The following RAPGEF4 variants were observed in gnomAD, a reference collection of about 807,000 sequenced individuals.
The protein encoded by RAPGEF4 is Rap guanine nucleotide exchange factor 4.
In RAPGEF4, 66 loss-of-function variants were observed where a neutral mutation model predicts 147.9. That is an observed-to-expected ratio of 0.45 (90% confidence interval 0.37 to 0.55). The LOEUF is 0.55. Among genes scored for constraint, RAPGEF4 ranks in the 20% least tolerant of loss-of-function variants. The pLI, the probability that RAPGEF4 is intolerant of heterozygous loss-of-function variation, is 0.00. For missense variants in RAPGEF4, 1,071 were observed against 1,257.3 expected, an observed-to-expected ratio of 0.85 and a Z score of 2.24; for synonymous variants, 419 against 442.7, an observed-to-expected ratio of 0.95 and a Z score of 0.67.
chr2:172,947,728 A>C (rs1687815631), intron 6 of RAPGEF4, among the ~76,000 whole-genome samples: 1 of 152,152 alleles, frequency 6.6e-6, no homozygotes, highest in Admixed American at 6.6e-5. Context: ...TCATCTGTAT[A>C]AGAGAGGGTT....
In RAPGEF4 at chr2:172,814,103, G is replaced by T. The variant is rs536913588; in HGVS notation, c.298-176G>T. 4.6e-5 allele frequency among the ~76,000 whole-genome samples: 7 copies of T among 152,304 alleles called. No individual in the cohort carries two copies. The East Asian group carries it at 1.3e-3, about 29-fold the overall frequency. On this transcript the variant is annotated intron_variant, in intron 3 of 30. Transcript: ENST00000397081. ...GGGGACTTTTGGGGTTCATAGAAAT[G>T]TTCTGTCTTGATCTGGTTGGTAATT...
intron 1 of RAPGEF4, among the ~76,000 whole-genome samples, chr2:172,789,015 G>A (rs1685535411): frequency 1.3e-5 from 2 of 152,206 alleles, no homozygotes; most frequent in South Asian, 4.1e-4. Flanking sequence ...TGGTAAGCCT[G>A]AGGTCCTTGT....
intron 6 of RAPGEF4, among the ~76,000 whole-genome samples, chr2:172,957,860 G>A (rs1688900275): frequency 6.6e-6 from 1 of 152,176 alleles, no homozygotes; most frequent in Non-Finnish European, 1.5e-5. Flanking sequence ...CAAAGAAAAA[G>A]TTCTGGTTGA....
chr2:172,893,366 C>T (rs926298642), intron 4 of RAPGEF4, among the ~76,000 whole-genome samples: 9 of 152,180 alleles, frequency 5.9e-5, no homozygotes, highest in South Asian at 2.1e-4. Context: ...GAGATGAAAG[C>T]GGCCACCACA....
chr2:172,861,498 T>A (rs1299111175), intron 4 of RAPGEF4, among the ~76,000 whole-genome samples: 1 of 152,190 alleles, frequency 6.6e-6, no homozygotes. Context: ...ACACAGGAAG[T>A]GAATGCTATA....
At chr2:172,829,489 A>C (rs1401921104) in intron 4 of RAPGEF4, among the ~76,000 whole-genome samples, 1 of 152,224 alleles carries the variant, frequency 6.6e-6, no homozygotes, top group African/African-American at 2.4e-5. Context: ...CATCGTGGTC[A>C]CTTGGATTTT....
intron 10 of RAPGEF4, among the ~76,000 whole-genome samples, chr2:172,977,794 T>A (rs1250421190): frequency 6.6e-6 from 1 of 152,198 alleles, no homozygotes; most frequent in African/African-American, 2.4e-5. Flanking sequence ...ATATACTCAT[T>A]TTTTAAAGTA....
At chr2:172,757,520 C>T (rs948690821) in intron 1 of RAPGEF4, among the ~76,000 whole-genome samples, 9 of 152,210 alleles carry the variant, frequency 5.9e-5, no homozygotes, top group Non-Finnish European at 1.2e-4. Flanking sequence ...TTTAGGTTTC[C>T]ATCCTATCTT....
At chr2:172,866,059 A>C (rs1694606171) in intron 4 of RAPGEF4, among the ~76,000 whole-genome samples, 2 of 151,886 alleles carry the variant, frequency 1.3e-5, no homozygotes, top group African/African-American at 4.8e-5. Context: ...TCACCTTTTC[A>C]TCCCCAGTGG....
At chr2:172,988,389 A>T (rs1414734390) in intron 13 of RAPGEF4, 117 bp downstream of exon 13, 2 of 1,443,260 alleles carry the variant, frequency 1.4e-6, no homozygotes, top group East Asian at 4.8e-5. Context: ...CTAGATGTAG[A>T]AAAGACATTA....
At chr2:173,049,233 T>C (rs1439444663) in intron 30 of RAPGEF4, among the ~76,000 whole-genome samples, 2 of 152,202 alleles carry the variant, frequency 1.3e-5, no homozygotes, top group African/African-American at 2.4e-5. Context: ...AATACTTTAA[T>C]ATAAAAAAAT....
chr2:172,786,062 T>A (rs1279964738), intron 1 of RAPGEF4, among the ~76,000 whole-genome samples: 1 of 152,236 alleles, frequency 6.6e-6, no homozygotes, highest in Non-Finnish European at 1.5e-5. Flanking sequence ...CAAATGCCTT[T>A]GTGTTCTTAT....
At chr2:172,772,633 C>T (rs1320217020) in intron 1 of RAPGEF4, among the ~76,000 whole-genome samples, 5 of 152,094 alleles carry the variant, frequency 3.3e-5, no homozygotes, top group South Asian at 2.1e-4. Flanking sequence ...CATGAGCCAC[C>T]GCACCCAGCT....
intron 8 of RAPGEF4, chr2:172,965,293 GC>G: frequency 7.1e-6 from 3 of 422,370 alleles, no homozygotes; most frequent in Non-Finnish European, 8.5e-6. Flanking sequence ...CCCTCTAGCG[GC>G]CCCCTGGTCT....
chr2:172,866,902 T>C (rs1354962892), intron 4 of RAPGEF4, among the ~76,000 whole-genome samples: 2 of 152,054 alleles, frequency 1.3e-5, no homozygotes, highest in Non-Finnish European at 2.9e-5. Flanking sequence ...GTCCCGCTAA[T>C]TAAGCCAAAA....
chr2:173,032,650 C>T (rs981558606), intron 26 of RAPGEF4, among the ~76,000 whole-genome samples: 1 of 152,182 alleles, frequency 6.6e-6, no homozygotes, highest in Non-Finnish European at 1.5e-5. Flanking sequence ...ATAGTCTCCC[C>T]TAAGTGAGGG....
At chr2:172,742,551 A>G (rs1034029318) in intron 1 of RAPGEF4, among the ~76,000 whole-genome samples, 1 of 152,102 alleles carries the variant, frequency 6.6e-6, no homozygotes, top group African/African-American at 2.4e-5. Flanking sequence ...ATGTCAAGTG[A>G]TCTCTTTTCA....
chr2:172,896,583 C>T (rs1382497743), intron 4 of RAPGEF4, among the ~76,000 whole-genome samples: 3 of 151,758 alleles, frequency 2.0e-5, no homozygotes, highest in African/African-American at 4.8e-5. Context: ...TCCCACCCCC[C>T]CCCAAAAAAA....
intron 6 of RAPGEF4, among the ~76,000 whole-genome samples, chr2:172,925,165 G>T (rs1184562784): frequency 6.6e-6 from 1 of 152,136 alleles, no homozygotes; most frequent in East Asian, 1.9e-4. Context: ...ATTTTTAGTA[G>T]AGACAGGGTT....
Sources: gnomAD v4.1 joint callset for allele counts (sites outside exome capture counted in the v4.1 genomes callset) on GRCh38, gnomAD v4.1.1 for gene constraint, MANE v1.5 for transcripts, NCBI Gene and HGNC (gene_info 2026-07-23, HGNC 2026-07-21) for gene names.